The following TOX variants were observed in gnomAD, a reference collection of about 807,000 sequenced individuals.
TOX encodes thymocyte selection associated high mobility group box, also known as thymocyte selection-associated high mobility group box protein TOX.
In TOX, 11 loss-of-function variants were observed where a neutral mutation model predicts 53.7. The observed-to-expected ratio is 0.20, with a 90% CI of 0.13 to 0.34. TOX has a LOEUF of 0.34. TOX is among the 10% of genes least tolerant of loss of function. The pLI is 1.00. For synonymous variants in TOX, 225 were observed against 245.3 expected, an observed-to-expected ratio of 0.92 and a Z score of 0.77; for missense variants, 570 against 664.6, an observed-to-expected ratio of 0.86 and a Z score of 1.56.
chr8:59,030,021 G>A (rs1814324909), intron 1 of TOX, among the ~76,000 whole-genome samples: 1 of 152,158 alleles, frequency 6.6e-6, no homozygotes, highest in African/African-American at 2.4e-5. Flanking sequence ...TAATTAACAT[G>A]GTATTTTTAT....
At chr8:58,980,651 G>T (rs1356315643) in intron 1 of TOX, among the ~76,000 whole-genome samples, 1 of 152,112 alleles carries the variant, frequency 6.6e-6, no homozygotes, top group African/African-American at 2.4e-5. Context: ...AGTGGAAGGG[G>T]AAAGAAAAAA....
At chr8:59,104,640 C>T (rs944794828) in intron 1 of TOX, among the ~76,000 whole-genome samples, 3 of 152,118 alleles carry the variant, frequency 2.0e-5, no homozygotes, top group Non-Finnish European at 4.4e-5. Context: ...TCTCCACTTC[C>T]GGGAGATAAC....
intron 7 of TOX, among the ~76,000 whole-genome samples, chr8:58,811,894 A>G (rs1810083600): frequency 6.6e-6 from 1 of 152,238 alleles, no homozygotes; most frequent in African/African-American, 2.4e-5. Flanking sequence ...GGACTACACA[A>G]TCATTTTTGT....
intron 1 of TOX, among the ~76,000 whole-genome samples, chr8:59,063,409 T>C (rs373851018): frequency 2.6e-5 from 4 of 151,782 alleles, no homozygotes; most frequent in African/African-American, 9.7e-5. Flanking sequence ...ATGGGATTAC[T>C]TGACTAAGGA....
At chr8:58,817,279 C>T (rs75016641) in intron 6 of TOX, among the ~76,000 whole-genome samples, 2,394 of 151,986 alleles carry the variant, frequency 0.016, 72 homozygotes, top group East Asian at 0.12. Flanking sequence ...GACTCCCTGT[C>T]TTCAGTATTA....
chr8:58,921,370 C>T lies in TOX; in HGVS notation c.411+17932G>A, dbSNP rs115032089. Reference sequence around the variant, plus strand: ...TATTCCAACCTAGATAGGAACGAATCGGATCCAAATGTCAAAAACAGTTCT... The same window carrying T: ...TATTCCAACCTAGATAGGAACGAATTGGATCCAAATGTCAAAAACAGTTCT... On this transcript the variant is annotated intron_variant, in intron 3 of 8. Coordinates refer to ENST00000361421, the MANE Select transcript of TOX (RefSeq NM_014729.3). Among the ~76,000 whole-genome samples the T allele has an allele frequency of 3.7e-3, 559 of 152,286 alleles. 5 individuals carry two copies. The highest frequency in any genetic ancestry group is 0.013 in the African/African-American group (523 of 41,548).
chr8:59,006,017 CAGG>C (rs2129418439), intron 1 of TOX, among the ~76,000 whole-genome samples: 1 of 152,328 alleles, frequency 6.6e-6, no homozygotes, highest in East Asian at 1.9e-4. Context: ...GATGTGCACA[CAGG>C]ATCATGTACA....
chr8:59,091,252 A>G lies in TOX; in HGVS notation c.102+27634T>C, dbSNP rs375648336. 3.9e-5 allele frequency among the ~76,000 whole-genome samples: 6 copies of G among 152,286 alleles called. No individual in the cohort carries two copies. The South Asian group carries it at 6.2e-4, about 16-fold the overall frequency. On this transcript the variant is annotated intron_variant, in intron 1 of 8. Coordinates refer to ENST00000361421, the MANE Select transcript of TOX (RefSeq NM_014729.3). ...TCAAACTACCTTCACCAAGTTGCCA[A>G]TAATGTCCATAGTGACAAATTCTAT...
chr8:58,907,355 T>C (rs1811833541), intron 3 of TOX, among the ~76,000 whole-genome samples: 3 of 151,782 alleles, frequency 2.0e-5, no homozygotes, highest in African/African-American at 4.8e-5. Flanking sequence ...GAGTTAAAAA[T>C]ACAGGATTCA....
At chr8:58,857,294 A>G (rs2129168773) in intron 3 of TOX, among the ~76,000 whole-genome samples, 1 of 152,250 alleles carries the variant, frequency 6.6e-6, no homozygotes, top group African/African-American at 2.4e-5. Flanking sequence ...GTTTATTTTC[A>G]AGCCTAATGA....
At chr8:58,871,459 C>T (rs1460775847) in intron 3 of TOX, among the ~76,000 whole-genome samples, 1 of 152,022 alleles carries the variant, frequency 6.6e-6, no homozygotes, top group Non-Finnish European at 1.5e-5. Context: ...TATAATGTGA[C>T]AAAAGAAGCT....
At chr8:58,881,345 G>A (rs1164851591) in intron 3 of TOX, among the ~76,000 whole-genome samples, 3 of 152,000 alleles carry the variant, frequency 2.0e-5, no homozygotes, top group African/African-American at 7.2e-5. Context: ...AGAATTTCGT[G>A]GATTTTTCTC....
At chr8:58,905,178 G>A (rs145933112) in intron 3 of TOX, among the ~76,000 whole-genome samples, 5 of 152,272 alleles carry the variant, frequency 3.3e-5, no homozygotes, top group East Asian at 1.9e-4. Flanking sequence ...TGATCTACCC[G>A]CTTTGGCCTC....
chr8:59,074,594 A>G (rs1434116092), intron 1 of TOX, among the ~76,000 whole-genome samples: 3 of 152,190 alleles, frequency 2.0e-5, no homozygotes, highest in African/African-American at 7.2e-5. Flanking sequence ...AAAAAGCACA[A>G]TATTAAGGAC....
intron 1 of TOX, among the ~76,000 whole-genome samples, chr8:59,092,307 T>TATATATAC (rs1563443781): frequency 0.018 from 1,955 of 111,462 alleles, 2 homozygotes; most frequent in East Asian, 0.045. Flanking sequence ...ATATATTATA[T>TATATATAC]ATTATATATA....
chr8:58,965,769 CAG>C (rs894905172), intron 1 of TOX, among the ~76,000 whole-genome samples: 2 of 151,890 alleles, frequency 1.3e-5, no homozygotes, highest in South Asian at 2.1e-4. Flanking sequence ...ATGTTTATAA[CAG>C]GGGGTCAATT....
chr8:58,961,789 G>C (rs900977729), intron 1 of TOX, among the ~76,000 whole-genome samples: 3 of 152,158 alleles, frequency 2.0e-5, no homozygotes, highest in Admixed American at 6.5e-5. Context: ...TTGCAGGCAT[G>C]AGCCACCATG....
rs1554539851 is a variant in TOX at position 59,021,499 on chromosome 8, T to TATATATATATATATACAC, written c.103-61492_103-61491insGTGTATATATATATATAT. On this transcript the variant is annotated intron_variant, in intron 1 of 8. Coordinates refer to ENST00000361421, the MANE Select transcript of TOX (RefSeq NM_014729.3). The stretch of plus-strand genomic sequence containing the variant: ...AAAAAAAAATATATATATATATATA[T>TATATATATATATATACAC]GCACATATATACAATGTCAGATATA... Among the ~76,000 whole-genome samples the TATATATATATATATACAC allele has an allele frequency of 4.3e-4, 47 of 109,574 alleles. 2 individuals are homozygous for TATATATATATATATACAC. Among genetic ancestry groups the TATATATATATATATACAC allele is most frequent in the South Asian group, 1.7e-3 (6 of 3,616 alleles). The allele number at this position is 109,574 out of a possible 152,430, so 71.9% of individuals were successfully genotyped here.
At chr8:59,013,987 C>T (rs1813963681) in intron 1 of TOX, among the ~76,000 whole-genome samples, 1 of 152,050 alleles carries the variant, frequency 6.6e-6, no homozygotes, top group South Asian at 2.1e-4. Context: ...TTTCTAAAAC[C>T]CATTATCCCA....
Sources: gnomAD v4.1 joint callset for allele counts (sites outside exome capture counted in the v4.1 genomes callset) on GRCh38, gnomAD v4.1.1 for gene constraint, MANE v1.5 for transcripts, NCBI Gene and HGNC (gene_info 2026-07-23, HGNC 2026-07-21) for gene names.